The following LOXHD1 variants were observed in gnomAD, a reference collection of about 807,000 sequenced individuals.
LOXHD1 encodes the protein lipoxygenase homology domain-containing protein 1.
Under a neutral mutation model 248.2 loss-of-function variants are expected in LOXHD1, and 205 were observed. The observed-to-expected ratio is 0.83, with a 90% CI of 0.74 to 0.93. The LOEUF is 0.93. Among genes scored for constraint, LOXHD1 ranks in the 40% least tolerant of loss-of-function variants. The pLI is 0.00. For missense variants in LOXHD1, 2,930 were observed against 2,971.6 expected, an observed-to-expected ratio of 0.99 and a Z score of 0.33; for synonymous variants, 1,113 against 1,162.8, an observed-to-expected ratio of 0.96 and a Z score of 0.87.
intron 14 of LOXHD1, among the ~76,000 whole-genome samples, chr18:46,572,477 G>C (rs1255413304): frequency 6.6e-6 from 1 of 152,092 alleles, no homozygotes; most frequent in Admixed American, 6.6e-5. Flanking sequence ...ACATATCCTG[G>C]GATGGAACAG....
intron 29 of LOXHD1, 75 bp downstream of exon 29, chr18:46,529,102 C>A (rs1014180334): frequency 6.5e-7 from 1 of 1,527,530 alleles, no homozygotes; most frequent in Middle Eastern, 1.8e-4. Flanking sequence ...TCCCCAGGAA[C>A]CAAGAAGAGC....
At chr18:46,629,141 GAA>G (rs1208720758) in intron 4 of LOXHD1, among the ~76,000 whole-genome samples, 2 of 152,270 alleles carry the variant, frequency 1.3e-5, no homozygotes, top group Non-Finnish European at 2.9e-5. Flanking sequence ...TAGTAATCCT[GAA>G]AAGACTCCAA....
chr18:46,540,654 C>CTTTTTTTTTTT (rs60099172), intron 25 of LOXHD1, among the ~76,000 whole-genome samples: 96 of 91,392 alleles, frequency 1.1e-3, no homozygotes, highest in East Asian at 3.3e-3. Flanking sequence ...AACTCTTTAT[C>CTTTTTTTTTTT]TTTTTTTTTT....
intron 6 of LOXHD1, among the ~76,000 whole-genome samples, chr18:46,606,321 A>T (rs934000724): frequency 1.3e-5 from 2 of 148,880 alleles, no homozygotes; most frequent in African/African-American, 4.9e-5. Context: ...TTTATAGTAT[A>T]ATAGTATACT....
At chr18:46,604,654 C>T (rs1482984336) in intron 6 of LOXHD1, among the ~76,000 whole-genome samples, 2 of 152,178 alleles carry the variant, frequency 1.3e-5, no homozygotes, top group Non-Finnish European at 1.5e-5. Flanking sequence ...AGGGGAACTG[C>T]AAGCCCCACA....
Position 46,563,163 on chromosome 18 carries a change from C to G in LOXHD1, c.2500G>C (p.Val834Leu). The change falls in exon 18 of 41, where the codon GTC becomes CTC. Residue 834 changes from valine (V) to leucine (L), a missense_variant. By Grantham distance (32) the Val-to-Leu change is conservative (BLOSUM62 1). Coordinates refer to ENST00000642948, the MANE Select transcript of LOXHD1 (RefSeq NM_001384474.1). ...DVGGAGTSAR[V>L]YMQIYGEKGK... ...TTCTCTCCATAGATCTGCATGTAGA[C>G]TCGGGCACTGGTGCCTGCGCCACCC... 2.6e-6 allele frequency: 4 copies of G among 1,535,516 alleles called. No individual in the cohort carries two copies. Among genetic ancestry groups the G allele is most frequent in the Non-Finnish European group, 3.5e-6 (4 of 1,133,460 alleles).
At chr18:46,488,484 C>G (rs1177965623) in intron 38 of LOXHD1, among the ~76,000 whole-genome samples, 2 of 152,186 alleles carry the variant, frequency 1.3e-5, no homozygotes, top group African/African-American at 4.8e-5. Flanking sequence ...CTGTGAGAGG[C>G]ACATCTCCCT....
chr18:46,610,994 C>A, intron 5 of LOXHD1, 70 bp from the exon 6 acceptor site: 1 of 1,521,134 alleles, frequency 6.6e-7, no homozygotes, highest in South Asian at 1.2e-5. Flanking sequence ...CCTTCATGGT[C>A]CGCCCACTGA....
At position 46,494,667 on chromosome 18, in the gene LOXHD1, G is replaced by A. The variant is rs147103382; in HGVS notation, c.5879-5525C>T. Reference sequence around the variant, plus strand: ...TCAGCATATCCACCAAACTGAACACGTTATATCCCCATGCCTCAGTATCCT... The same window carrying A: ...TCAGCATATCCACCAAACTGAACACATTATATCCCCATGCCTCAGTATCCT... On this transcript the variant is annotated intron_variant, in intron 37 of 40. Coordinates refer to ENST00000642948, the MANE Select transcript of LOXHD1 (RefSeq NM_001384474.1). Among the ~76,000 whole-genome samples the A allele has an allele frequency of 3.0e-3, 455 of 152,162 alleles. 2 individuals are homozygous for A. The highest frequency in any genetic ancestry group is 0.01 in the African/African-American group (425 of 41,496).
rs1221419823 is a variant in LOXHD1 at position 46,577,872 on chromosome 18, T to C, written c.1810-5A>G. Reference sequence around the variant, plus strand: ...CTCGATAGTGAACTCGTCAGCCTTGTGGGGGGAAACCACAAGGCCAGTTAG... The same window carrying C: ...CTCGATAGTGAACTCGTCAGCCTTGCGGGGGGAAACCACAAGGCCAGTTAG... On this transcript the variant is annotated splice_region_variant and splice_polypyrimidine_tract_variant and intron_variant, in intron 13 of 40. Transcript: ENST00000642948. 6.4e-7 allele frequency: 1 copy of C among 1,551,390 alleles called. No individual in the cohort carries two copies. The highest frequency in any genetic ancestry group is 8.7e-7 in the Non-Finnish European group (1 of 1,146,972).
chr18:46,639,511 G>A (rs1233903129), intron 4 of LOXHD1, 105 bp downstream of exon 4: 3 of 1,334,728 alleles, frequency 2.2e-6, no homozygotes, highest in South Asian at 1.5e-5. Context: ...GGCATGCCAA[G>A]ATGAGGTAGG....
At chr18:46,594,253 T>A in intron 9 of LOXHD1, 78 bp downstream of exon 9, 1 of 1,530,502 alleles carries the variant, frequency 6.5e-7, no homozygotes, top group Non-Finnish European at 8.8e-7. Flanking sequence ...CCTCATAGCT[T>A]TTGCCTAGTG....
chr18:46,532,375 G>A (rs1438883470), intron 28 of LOXHD1, among the ~76,000 whole-genome samples: 1 of 152,206 alleles, frequency 6.6e-6, no homozygotes, highest in African/African-American at 2.4e-5. Flanking sequence ...CTGTCCATAT[G>A]TTCTGGGAAA....
intron 12 of LOXHD1, among the ~76,000 whole-genome samples, chr18:46,589,965 C>A (rs2038135157): frequency 6.6e-6 from 1 of 152,024 alleles, no homozygotes; most frequent in African/African-American, 2.4e-5. Flanking sequence ...TCTAGAAAAC[C>A]TTATCAAAAT....
chr18:46,538,055 G>T, intron 26 of LOXHD1, 101 bp downstream of exon 26: 2 of 1,056,760 alleles, frequency 1.9e-6, no homozygotes, highest in Non-Finnish European at 2.7e-6. Flanking sequence ...TAATAGCAGT[G>T]CATCAGGATG....
intron 9 of LOXHD1, 80 bp from the exon 10 acceptor site, chr18:46,593,840 C>T: frequency 1.4e-6 from 2 of 1,473,244 alleles, no homozygotes; most frequent in Non-Finnish European, 1.9e-6. Flanking sequence ...AAGGAAAAAT[C>T]CAAAATGATC....
intron 31 of LOXHD1, among the ~76,000 whole-genome samples, chr18:46,523,570 T>C (rs2035683474): frequency 6.6e-6 from 1 of 152,158 alleles, no homozygotes; most frequent in Admixed American, 6.5e-5. Flanking sequence ...TTGATACAAG[T>C]TGGAAACCCT....
intron 28 of LOXHD1, 134 bp from the exon 29 acceptor site, chr18:46,529,465 G>A: frequency 9.8e-7 from 1 of 1,023,476 alleles, no homozygotes; most frequent in Admixed American, 3.0e-5. Context: ...CCTTCCTTTT[G>A]TTTGCTCAAT....
At chr18:46,521,332 G>A in intron 32 of LOXHD1, 50 bp from the exon 33 acceptor site, 1 of 1,545,522 alleles carries the variant, frequency 6.5e-7, no homozygotes, top group Non-Finnish European at 8.8e-7. Context: ...AACTGGGAAG[G>A]AAGTGCTCCC....
Sources: allele counts gnomAD v4.1 joint callset (sites outside exome capture counted in the v4.1 genomes callset), GRCh38; gene constraint gnomAD v4.1.1; transcripts MANE v1.5; gene names NCBI Gene and HGNC (gene_info 2026-07-23, HGNC 2026-07-21).